ADAMTSL3: variants seen among roughly 807,000 people sequenced by gnomAD.
The protein encoded by ADAMTSL3 is ADAMTS-like protein 3.
ADAMTSL3 carries 128 observed loss-of-function variants against 201.7 expected under a neutral mutation model. That is an observed-to-expected ratio of 0.63 (90% CI 0.55 to 0.73). ADAMTSL3 has a LOEUF of 0.73. Ranked by LOEUF, ADAMTSL3 falls within the 30% of genes least tolerant of loss-of-function variation. ADAMTSL3 has a pLI of 0.00. For missense variants in ADAMTSL3, 1,990 were observed against 2,119.6 expected (o/e 0.94, Z 1.20); for synonymous variants, 738 against 748.4 (o/e 0.99, Z 0.23).
At chr15:83,740,054 A>G (rs962123652) in intron 3 of ADAMTSL3, 2 of 335,364 alleles carry the variant, frequency 6.0e-6, no homozygotes, top group Non-Finnish European at 1.3e-5. Flanking sequence ...AACCCTGAGC[A>G]TTGCATCACA....
At chr15:83,880,173 A>G (rs2065244272) in intron 9 of ADAMTSL3, among the ~76,000 whole-genome samples, 1 of 152,056 alleles carries the variant, frequency 6.6e-6, no homozygotes, top group Admixed American at 6.5e-5. Flanking sequence ...GAGATCCACC[A>G]TCAGTTTTGA....
intron 17 of ADAMTSL3, among the ~76,000 whole-genome samples, chr15:83,928,521 A>G (rs917803020): frequency 6.6e-6 from 1 of 152,214 alleles, no homozygotes. Flanking sequence ...AGGCACTTCA[A>G]ATGAGAATGA....
intron 2 of ADAMTSL3, among the ~76,000 whole-genome samples, chr15:83,692,514 T>C (rs1029231168): frequency 2.8e-4 from 42 of 151,414 alleles, no homozygotes; most frequent in African/African-American, 1.0e-3. Flanking sequence ...TGAAACCCTG[T>C]CTCTACTGAA....
intron 7 of ADAMTSL3, among the ~76,000 whole-genome samples, chr15:83,848,683 C>T (rs2064550549): frequency 6.6e-6 from 1 of 152,170 alleles, no homozygotes; most frequent in Non-Finnish European, 1.5e-5. Flanking sequence ...TGCTTAGGAG[C>T]ACCGTGATCT....
At chr15:83,944,656 C>T (rs117451367) in intron 19 of ADAMTSL3, among the ~76,000 whole-genome samples, 4,998 of 152,262 alleles carry the variant, frequency 0.033, 110 homozygotes, top group Non-Finnish European at 0.053. Context: ...CAAACCCAGG[C>T]CTGTGTGACC....
At chr15:83,704,052 C>T (rs918317819) in intron 2 of ADAMTSL3, among the ~76,000 whole-genome samples, 1 of 131,460 alleles carries the variant, frequency 7.6e-6, no homozygotes, top group Non-Finnish European at 1.6e-5. Flanking sequence ...ATCCTAAAAA[C>T]AATAGATTTG....
intron 16 of ADAMTSL3, among the ~76,000 whole-genome samples, chr15:83,915,217 TGTTG>T (rs2066012713): frequency 6.6e-6 from 1 of 152,166 alleles, no homozygotes. Context: ...TTTTAGGTGC[TGTTG>T]GTAGAATCCC....
intron 3 of ADAMTSL3, among the ~76,000 whole-genome samples, chr15:83,763,784 C>T (rs896096553): frequency 1.1e-4 from 17 of 152,228 alleles, no homozygotes; most frequent in Admixed American, 1.1e-3. Flanking sequence ...GGATTACAGG[C>T]GTGAGCCACC....
At chr15:83,729,612 G>A (rs2062234052) in intron 3 of ADAMTSL3, among the ~76,000 whole-genome samples, 1 of 151,698 alleles carries the variant, frequency 6.6e-6, no homozygotes, top group African/African-American at 2.4e-5. Flanking sequence ...TTTAAAATAT[G>A]TCAATCTCTT....
chr15:83,656,878 C>T lies in ADAMTSL3; in HGVS notation c.69+1048C>T, dbSNP rs528515593. Among the ~76,000 whole-genome samples, 11 of 152,342 alleles carry T rather than the reference C, an allele frequency of 7.2e-5. No homozygotes were observed. In the East Asian group the frequency reaches 2.1e-3, roughly 29 times the overall value. On this transcript the variant is annotated intron_variant, in intron 2 of 29. Transcript: ENST00000286744. Reference sequence around the variant, plus strand: ...CCTGGGATAAATTAATCAGACTCCTCTGCCTCTTGTTTCACTTTCTTGGAC... The same window carrying T: ...CCTGGGATAAATTAATCAGACTCCTTTGCCTCTTGTTTCACTTTCTTGGAC...
intron 26 of ADAMTSL3, among the ~76,000 whole-genome samples, chr15:84,023,977 C>A (rs192840831): frequency 4.6e-5 from 7 of 152,296 alleles, no homozygotes; most frequent in Non-Finnish European, 7.3e-5. Context: ...GATATATCGC[C>A]GGGCGCAGTG....
chr15:83,861,195 A>G (rs2064849695), intron 8 of ADAMTSL3, among the ~76,000 whole-genome samples: 1 of 152,174 alleles, frequency 6.6e-6, no homozygotes, highest in Non-Finnish European at 1.5e-5. Flanking sequence ...CTGCCTCTGT[A>G]GACTCCACTT....
intron 19 of ADAMTSL3, among the ~76,000 whole-genome samples, chr15:83,967,320 C>A (rs1208066237): frequency 6.6e-6 from 1 of 152,188 alleles, no homozygotes; most frequent in African/African-American, 2.4e-5. Flanking sequence ...TGATAAGCAA[C>A]TTCAGCAAAG....
chr15:84,006,240 G>A (rs868118075), intron 23 of ADAMTSL3, among the ~76,000 whole-genome samples: 1 of 152,002 alleles, frequency 6.6e-6, no homozygotes, highest in Admixed American at 6.5e-5. Context: ...TTATAAATTG[G>A]CAACATCATT....
rs114022991 is a variant in ADAMTSL3, at chr15:83,830,589, G to C, written c.601-7500G>C. On this transcript the variant is annotated intron_variant, in intron 6 of 29. Coordinates refer to ENST00000286744, the MANE Select transcript of ADAMTSL3 (RefSeq NM_207517.3). ...GGCACAGCCTCAGTGTGGTGTTGGA[G>C]TAGGCACTGGCAGGGGATGCAGGAT... 7.8e-3 allele frequency among the ~76,000 whole-genome samples: 1,184 copies of C among 152,366 alleles called. 14 individuals are homozygous for C. The highest frequency in any genetic ancestry group is 0.027 in the African/African-American group (1,116 of 41,586).
intron 5 of ADAMTSL3, among the ~76,000 whole-genome samples, chr15:83,814,433 C>T (rs1225573958): frequency 2.0e-5 from 3 of 152,208 alleles, no homozygotes; most frequent in Admixed American, 6.5e-5. Context: ...AAACTCCCAA[C>T]TTCCACCCTT....
chr15:83,704,514 A>T lies in ADAMTSL3; in HGVS notation c.189+6A>T. 2 of 1,614,142 alleles carry T rather than the reference A, an allele frequency of 1.2e-6. No individual in the cohort carries two copies. Among genetic ancestry groups the T allele is most frequent in the East Asian group, 4.5e-5 (2 of 44,888 alleles). On this transcript the variant is annotated splice_donor_region_variant and intron_variant, in intron 3 of 29. Coordinates refer to ENST00000286744, the MANE Select transcript of ADAMTSL3 (RefSeq NM_207517.3). ...CTTATCGCTATGATGACCAGGTAAGAACATTGGACAAGGATCTACCTTTGG... is the reference window on the plus strand; with the variant it reads ...CTTATCGCTATGATGACCAGGTAAGTACATTGGACAAGGATCTACCTTTGG...
intron 17 of ADAMTSL3, among the ~76,000 whole-genome samples, chr15:83,931,051 G>A (rs184627041): frequency 3.2e-4 from 49 of 152,128 alleles, no homozygotes; most frequent in African/African-American, 1.2e-3. Flanking sequence ...CTTTTATGGG[G>A]TTACTCCCCC....
intron 7 of ADAMTSL3, among the ~76,000 whole-genome samples, chr15:83,844,707 G>A (rs74024578): frequency 0.011 from 1,706 of 152,282 alleles, 35 homozygotes; most frequent in African/African-American, 0.037. Context: ...AGACTCCTGG[G>A]TTCTAGTCCT....
Sources: allele counts gnomAD v4.1 joint callset (sites outside exome capture counted in the v4.1 genomes callset), GRCh38; gene constraint gnomAD v4.1.1; transcripts MANE v1.5; gene names NCBI Gene and HGNC (gene_info 2026-07-23, HGNC 2026-07-21).